The following LPCAT1 variants were observed in gnomAD, a reference collection of about 807,000 sequenced individuals.
LPCAT1 encodes the protein lysophosphatidylcholine acyltransferase 1.
In LPCAT1, 23 loss-of-function variants were observed where a neutral mutation model predicts 60.9. The observed-to-expected ratio is 0.38, with a 90% confidence interval of 0.27 to 0.53. The LOEUF (loss-of-function observed/expected upper bound fraction) is 0.53. Among genes scored for constraint, LPCAT1 ranks in the 20% least tolerant of loss-of-function variants. The pLI is 0.82. For synonymous variants in LPCAT1, 340 were observed against 301.1 expected, an observed-to-expected ratio of 1.13 and a Z score of -1.34; for missense variants, 622 against 723.6, an observed-to-expected ratio of 0.86 and a Z score of 1.61.
chr5:1,468,523 G>A (rs759161463), intron 12 of LPCAT1, among the ~76,000 whole-genome samples: 2 of 152,206 alleles, frequency 1.3e-5, no homozygotes, highest in Non-Finnish European at 2.9e-5. Flanking sequence ...AACTGCAGAT[G>A]CAGACTTTCA....
intron 13 of LPCAT1, among the ~76,000 whole-genome samples, chr5:1,464,962 A>G (rs1579746542): frequency 6.6e-6 from 1 of 151,914 alleles, no homozygotes; most frequent in African/African-American, 2.4e-5. Flanking sequence ...GTAACTACAC[A>G]CATGCACGCA....
intron 1 of LPCAT1, among the ~76,000 whole-genome samples, chr5:1,516,170 G>A (rs1736500388): frequency 6.6e-6 from 1 of 152,224 alleles, no homozygotes; most frequent in South Asian, 2.1e-4. Context: ...GGAGAGGAGA[G>A]CCCACTCTTT....
intron 9 of LPCAT1, among the ~76,000 whole-genome samples, chr5:1,475,841 C>T (rs529161133): frequency 6.9e-5 from 7 of 100,754 alleles, no homozygotes; most frequent in African/African-American, 2.1e-4. Context: ...CCCAGGAGTC[C>T]GAGGCTGCTT....
rs1012443960 is a variant in LPCAT1, at chr5:1,523,128, G to C, written c.135+582C>G. Among the ~76,000 whole-genome samples the C allele has an allele frequency of 6.6e-6, 1 of 151,506 alleles. No individual in the cohort carries two copies. Among genetic ancestry groups the C allele is most frequent in the Admixed American group, 6.6e-5 (1 of 15,124 alleles). ...AGCAGGGAGACCCGTGCGCCTACAG[G>C]GGACCCTACAGGGGACCCGCACCGC... On this transcript the variant is annotated intron_variant, in intron 1 of 13. Transcript: ENST00000283415. The surrounding 1 kb of genome is among the most constrained non-coding windows in gnomAD (Gnocchi z 7.1).
In LPCAT1 at chr5:1,495,334, G is replaced by GGGGGGCGCTCAGAGCTGGC. The variant is rs1735749401; in HGVS notation, c.279-421_279-420insGCCAGCTCTGAGCGCCCCC. Among the ~76,000 whole-genome samples, 1 of 151,396 alleles carries GGGGGGCGCTCAGAGCTGGC rather than the reference G, an allele frequency of 6.6e-6. No homozygotes were observed. Among genetic ancestry groups the GGGGGGCGCTCAGAGCTGGC allele is most frequent in the Non-Finnish European group, 1.5e-5 (1 of 67,890 alleles). On this transcript the variant is annotated intron_variant, in intron 2 of 13. Coordinates refer to ENST00000283415, the MANE Select transcript of LPCAT1 (RefSeq NM_024830.5). This position sits in a 1 kb window ranked among gnomAD's most constrained non-coding sequence, Gnocchi z 4.7. ...CCTAAAACGCATATCGCAATATGGG[G>GGGGGGCGCTCAGAGCTGGC]GGGGGGGCGCTCAGAGCTGAGGGCG...
rs1736750355 is a variant in LPCAT1, at chr5:1,523,806, G to A, written c.39C>T (p.Ala13=). 9.1e-7 allele frequency: 1 copy of A among 1,096,770 alleles called. No individual in the cohort carries two copies. The highest frequency in any genetic ancestry group is 3.9e-5 in the South Asian group (1 of 25,692). The allele number at this position is 1,096,770 out of a possible 1,614,324, so 67.9% of individuals were successfully genotyped here. Residue 13 remains alanine, a synonymous_variant, in exon 1 of 14, where the codon GCC becomes GCT. Coordinates refer to ENST00000283415, the MANE Select transcript of LPCAT1 (RefSeq NM_024830.5). The surrounding 1 kb of genome is among the most constrained non-coding windows in gnomAD (Gnocchi z 7.1). The stretch of plus-strand genomic sequence containing the variant: ...GAGCGTCGCTGGCCCCTGCGCTGGA[G>A]GCAGGGGCGGCCCGGGGTCCGCATC... ...LRGCGPRAAP[A]SSAGASDARL...
In LPCAT1 at chr5:1,495,443, A is replaced by G. The variant is rs971881600; in HGVS notation, c.279-529T>C. ...CCACAACCAGGCGTTGTGTTATTAC[A>G]GTGAGCTGTTTCTGGAGGAAATTAG... On this transcript the variant is annotated intron_variant, in intron 2 of 13. Transcript: ENST00000283415. The surrounding 1 kb of genome is among the most constrained non-coding windows in gnomAD (Gnocchi z 4.7). 6.6e-6 allele frequency among the ~76,000 whole-genome samples: 1 copy of G among 152,114 alleles called. No homozygotes were observed. Among genetic ancestry groups the G allele is most frequent in the Non-Finnish European group, 1.5e-5 (1 of 68,024 alleles).
rs1396827372 is a variant in LPCAT1, at chr5:1,483,304, A to C, written c.726+124T>G. ...AGGCCGGATGGACTCAGCATGGCCA[A>C]GTGTGGGCTGTGGCGCAGATAAAGG... On this transcript the variant is annotated intron_variant, in intron 6 of 13. Coordinates refer to ENST00000283415, the MANE Select transcript of LPCAT1 (RefSeq NM_024830.5). The surrounding 1 kb of genome is among the most constrained non-coding windows in gnomAD (Gnocchi z 9.2). 1.8e-6 allele frequency: 2 copies of C among 1,089,538 alleles called. No homozygotes were observed. The highest frequency in any genetic ancestry group is 4.8e-5 in the East Asian group (2 of 41,986). The allele number at this position is 1,089,538 out of a possible 1,614,324, so 67.5% of individuals were successfully genotyped here.
Position 1,501,556 on chromosome 5 carries a change from G to T in LPCAT1, c.183C>A (p.Ala61=). The change falls in exon 2 of 14, where the codon GCC becomes GCA. Residue 61 remains alanine (A), a synonymous_variant. Coordinates refer to ENST00000283415, the MANE Select transcript of LPCAT1 (RefSeq NM_024830.5). ...GCCAGGCCAGCAGCATCATGGCAGCGGCAACCAGGAGCCGGACCGGGAAGA... is the reference window on the plus strand; with the variant it reads ...GCCAGGCCAGCAGCATCATGGCAGCTGCAACCAGGAGCCGGACCGGGAAGA... ...LTLFPVRLLV[A]AAMMLLAWPL... The T allele has an allele frequency of 6.2e-7, 1 of 1,614,030 alleles. No homozygotes were observed. Among genetic ancestry groups the T allele is most frequent in the South Asian group, 1.1e-5 (1 of 91,080 alleles).
chr5:1,501,470 A>T lies in LPCAT1; in HGVS notation c.269T>A (p.Leu90Gln), dbSNP rs1297631704. 1 of 1,612,004 alleles carries T rather than the reference A, an allele frequency of 6.2e-7. No individual in the cohort carries two copies. Among genetic ancestry groups the T allele is most frequent in the Non-Finnish European group, 8.5e-7 (1 of 1,179,280 alleles). The part of the protein sequence containing the change: ...AEKEPEQPPA[L>Q]WRKVVDFLLK... ...CACACGCGCAACTTACTTCCTCCAC[A>T]GGGCCGGGGGCTGCTCGGGTTCCTT... The change falls in exon 2 of 14, where the codon CTG (leucine) becomes CAG (glutamine). Residue 90 changes from leucine (L) to glutamine (Q), a missense_variant. This residue lies in a region of LPCAT1 where 209 missense variants were observed against 325.5 expected (regional missense o/e 0.64). Coordinates refer to ENST00000283415, the MANE Select transcript of LPCAT1 (RefSeq NM_024830.5).
At chr5:1,492,624 G>A (rs888498124) in intron 3 of LPCAT1, among the ~76,000 whole-genome samples, 2 of 152,206 alleles carry the variant, frequency 1.3e-5, no homozygotes, top group Non-Finnish European at 2.9e-5. Flanking sequence ...CGAGGGCCCT[G>A]CACACAGCAG....
intron 8 of LPCAT1, among the ~76,000 whole-genome samples, chr5:1,478,324 G>A (rs1402923776): frequency 2.0e-5 from 3 of 152,234 alleles, no homozygotes; most frequent in Non-Finnish European, 2.9e-5. Context: ...CCCAATTCTC[G>A]CTGTTATTTC....
intron 3 of LPCAT1, 84 bp from the exon 4 acceptor site, chr5:1,489,942 G>A (rs1735513058): frequency 1.0e-6 from 1 of 975,964 alleles, no homozygotes; most frequent in South Asian, 1.3e-5. Context: ...CTGCTGCATG[G>A]CGCCCAGTGG....
rs369309184 is a variant in LPCAT1, at chr5:1,494,776, G to C, written c.417C>G (p.Phe139Leu). The C allele has an allele frequency of 6.2e-7, 1 of 1,614,190 alleles. No homozygotes were observed. ...TCGTCATGGTCACAGGGATGGCGTCGAAGTAGGACGAGTGAGGCGCGAGCG... is the reference window on the plus strand; with the variant it reads ...TCGTCATGGTCACAGGGATGGCGTCCAAGTAGGACGAGTGAGGCGCGAGCG... The part of the protein sequence containing the change: ...ILTLAPHSSY[F>L]DAIPVTMTMS... The change falls in exon 3 of 14, where the codon TTC becomes TTG. Residue 139 changes from phenylalanine to leucine, a missense_variant. Phe to Leu is a conservative substitution (Grantham distance 22, BLOSUM62 0). Around this residue, in one of 3 missense-constraint regions of LPCAT1, gnomAD observed 209 missense variants for 325.5 expected, o/e 0.64. Transcript: ENST00000283415.
chr5:1,500,538 A>G (rs1237505357), intron 2 of LPCAT1, among the ~76,000 whole-genome samples: 2 of 151,924 alleles, frequency 1.3e-5, no homozygotes, highest in African/African-American at 2.4e-5. Context: ...GGGTGGTGCC[A>G]GCAGGCAGCA....
chr5:1,517,507 C>T (rs1736539428), intron 1 of LPCAT1, among the ~76,000 whole-genome samples: 1 of 152,214 alleles, frequency 6.6e-6, no homozygotes, highest in Non-Finnish European at 1.5e-5. Flanking sequence ...TCCCAGCACT[C>T]AAGGGCGCTC....
Position 1,522,540 on chromosome 5 carries a change from T to C in LPCAT1, c.135+1170A>G, listed in dbSNP as rs982384219. ...GGGCGGCACCATCGGGCTCTCCTGCTCCCCGTCCCCTTCCATACCCTGAGG... is the reference window on the plus strand; with the variant it reads ...GGGCGGCACCATCGGGCTCTCCTGCCCCCCGTCCCCTTCCATACCCTGAGG... On this transcript the variant is annotated intron_variant, in intron 1 of 13. Coordinates refer to ENST00000283415, the MANE Select transcript of LPCAT1 (RefSeq NM_024830.5). This position sits in a 1 kb window ranked among gnomAD's most constrained non-coding sequence, Gnocchi z 6.8. Among the ~76,000 whole-genome samples the C allele has an allele frequency of 2.0e-5, 3 of 152,074 alleles. No individual in the cohort carries two copies. The highest frequency in any genetic ancestry group is 7.2e-5 in the African/African-American group (3 of 41,404).
intron 1 of LPCAT1, among the ~76,000 whole-genome samples, chr5:1,508,907 C>T (rs1358134033): frequency 2.0e-5 from 3 of 152,252 alleles, no homozygotes; most frequent in Non-Finnish European, 4.4e-5. Flanking sequence ...CAGCATCACC[C>T]GGCGTTTCAC....
chr5:1,481,007 TG>T lies in LPCAT1; in HGVS notation c.727-32del. On this transcript the variant is annotated intron_variant, in intron 6 of 13. Coordinates refer to ENST00000283415, the MANE Select transcript of LPCAT1 (RefSeq NM_024830.5). The surrounding 1 kb of genome is among the most constrained non-coding windows in gnomAD (Gnocchi z 7.8). ...GAGGAAGAGGCAGGGTCAGTCAGCA[TG>T]GGGCCTGCACCCAGGGCCTGCACCA... The T allele has an allele frequency of 1.2e-6, 2 of 1,613,048 alleles. No homozygotes were observed.
Sources: gnomAD v4.1 joint callset for allele counts (sites outside exome capture counted in the v4.1 genomes callset) on GRCh38, gnomAD v4.1.1 for gene constraint, gnomAD v4.1.1 regional missense constraint, Gnocchi (gnomAD v3.1) non-coding constraint, MANE v1.5 for transcripts, NCBI Gene and HGNC (gene_info 2026-07-23, HGNC 2026-07-21) for gene names.